IL16: variants seen among roughly 807,000 people sequenced by gnomAD.
IL16 encodes the protein pro-interleukin-16.
Under a neutral mutation model 110.1 loss-of-function variants are expected in IL16, and 67 were observed. The ratio of observed to expected loss-of-function variants is 0.61; its 90% CI spans 0.50 to 0.75. The LOEUF (loss-of-function observed/expected upper bound fraction) is 0.75. IL16 is among the 30% of genes least tolerant of loss of function. The pLI is 0.00. For missense variants in IL16, 1,545 were observed against 1,655.0 expected, an observed-to-expected ratio of 0.93 and a Z score of 1.15; for synonymous variants, 689 against 662.9, an observed-to-expected ratio of 1.04 and a Z score of -0.61.
At chr15:81,293,269 T>A (rs1296200735) in intron 12 of IL16, among the ~76,000 whole-genome samples, 1 of 152,210 alleles carries the variant, frequency 6.6e-6, no homozygotes, top group African/African-American at 2.4e-5. Flanking sequence ...TTCCCACCCA[T>A]AACACACTGG....
At chr15:81,238,184 G>T (rs1595981329) in intron 2 of IL16, among the ~76,000 whole-genome samples, 1 of 152,200 alleles carries the variant, frequency 6.6e-6, no homozygotes, top group East Asian at 1.9e-4. Flanking sequence ...TTACAGGCGT[G>T]AGCCACTGCG....
rs1042218045 is a variant in IL16 at position 81,293,047 on chromosome 15, T to A, written c.1902+10T>A. On this transcript the variant is annotated intron_variant, in intron 12 of 18. Transcript: ENST00000683961. ...ACCCACCTGTGGCCAGGTAAGAGGA[T>A]GGGTCCACAGGTTGAGTGTTTCCAG... 5.6e-6 allele frequency: 9 copies of A among 1,599,246 alleles called. No individual in the cohort carries two copies. In the African/African-American group the frequency reaches 1.1e-4, roughly 19 times the overall value.
chr15:81,294,115 G>C (rs190858308), intron 12 of IL16, among the ~76,000 whole-genome samples: 3 of 152,220 alleles, frequency 2.0e-5, no homozygotes, highest in Non-Finnish European at 4.4e-5. Context: ...CTACAGTGAG[G>C]GTTGGCAAGC....
intron 2 of IL16, among the ~76,000 whole-genome samples, chr15:81,230,596 C>T (rs901660583): frequency 2.0e-5 from 3 of 152,126 alleles, no homozygotes; most frequent in African/African-American, 7.2e-5. Flanking sequence ...GAATGGCATT[C>T]CTTGCTCAGT....
chr15:81,237,076 A>G (rs1202818579), intron 2 of IL16, among the ~76,000 whole-genome samples: 4 of 152,204 alleles, frequency 2.6e-5, no homozygotes, highest in Non-Finnish European at 5.9e-5. Flanking sequence ...TGTCCTTCAC[A>G]TATAACCCAC....
At chr15:81,283,184 G>C (rs1329444092) in intron 9 of IL16, among the ~76,000 whole-genome samples, 5 of 152,202 alleles carry the variant, frequency 3.3e-5, no homozygotes, top group Non-Finnish European at 7.4e-5. Context: ...GCTGTGGCCA[G>C]CACACCCCTG....
chr15:81,201,285 G>C (rs1054918094), intron 1 of IL16, among the ~76,000 whole-genome samples: 1 of 151,586 alleles, frequency 6.6e-6, no homozygotes, highest in Non-Finnish European at 1.5e-5. Context: ...ACACATGCAC[G>C]CACACACCCC....
intron 14 of IL16, 60 bp downstream of exon 14, chr15:81,300,535 A>T: frequency 9.0e-7 from 1 of 1,107,964 alleles, no homozygotes; most frequent in South Asian, 1.6e-5. Flanking sequence ...TCTCATCTTT[A>T]TTTTTAAAAA....
At chr15:81,280,409 C>T (rs1596027033) in intron 8 of IL16, among the ~76,000 whole-genome samples, 1 of 152,242 alleles carries the variant, frequency 6.6e-6, no homozygotes, top group East Asian at 1.9e-4. Context: ...TTGGCAGAGG[C>T]AGAGAGACCC....
At chr15:81,202,614 G>A (rs1021802104) in intron 1 of IL16, among the ~76,000 whole-genome samples, 4 of 151,866 alleles carry the variant, frequency 2.6e-5, no homozygotes, top group Non-Finnish European at 5.9e-5. Flanking sequence ...TGAGAATGAT[G>A]GTTTCCAGTT....
intron 2 of IL16, among the ~76,000 whole-genome samples, chr15:81,246,073 A>C (rs60969413): frequency 6.6e-6 from 1 of 152,092 alleles, no homozygotes; most frequent in South Asian, 2.1e-4. Context: ...TATTTTCTAC[A>C]TAATCATATC....
rs1321119155 is a variant in IL16, at chr15:81,246,379, CTCTT to C, written c.313-13387_313-13384del. On this transcript the variant is annotated intron_variant, in intron 2 of 18. Transcript: ENST00000683961. ...TGGCAACCACTTACTTTTCTATTCT[CTCTT>C]TCTTTTTCTGCCTTTTTCAGATAGC... is the stretch of plus-strand genomic sequence containing the variant. 4.6e-5 allele frequency among the ~76,000 whole-genome samples: 7 copies of C among 152,172 alleles called. 1 individual carries two copies.
chr15:81,279,926 CT>C, intron 8 of IL16, 152 bp downstream of exon 8: 1 of 670,574 alleles, frequency 1.5e-6, no homozygotes. Flanking sequence ...GTCGAGTCTT[CT>C]GTTTATAGAA....
chr15:81,295,270 C>T (rs1266696263), intron 12 of IL16: 1 of 673,904 alleles, frequency 1.5e-6, no homozygotes, highest in East Asian at 9.6e-5. Flanking sequence ...CCTCATCCAC[C>T]AAGCATGGTT....
chr15:81,275,551 G>A (rs1343262006), intron 6 of IL16, among the ~76,000 whole-genome samples: 2 of 151,978 alleles, frequency 1.3e-5, no homozygotes, highest in Non-Finnish European at 2.9e-5. Flanking sequence ...TAAACAAAGG[G>A]GTGGGGGAAG....
At chr15:81,196,434 G>C (rs558887649), upstream of IL16, among the ~76,000 whole-genome samples, 1 of 152,290 alleles carries the variant, frequency 6.6e-6, no homozygotes, top group Admixed American at 6.5e-5. Context: ...TTTGAGAGGA[G>C]TTCTTGCTAT....
At chr15:81,223,469 G>A (rs1351145755) in intron 1 of IL16, among the ~76,000 whole-genome samples, 1 of 152,236 alleles carries the variant, frequency 6.6e-6, no homozygotes, top group Non-Finnish European at 1.5e-5. Flanking sequence ...CAATGAGACG[G>A]TAGAGCCAGG....
chr15:81,197,342 G>A (rs1347573838), intron 1 of IL16, among the ~76,000 whole-genome samples, 190 bp downstream of exon 1: 1 of 152,232 alleles, frequency 6.6e-6, no homozygotes, highest in African/African-American at 2.4e-5. Context: ...GTGTCACCAT[G>A]TCACAGTTAG....
intron 9 of IL16, 49 bp downstream of exon 9, chr15:81,282,805 A>G (rs1337875769): frequency 7.9e-7 from 1 of 1,262,486 alleles, no homozygotes; most frequent in Non-Finnish European, 1.2e-6. Flanking sequence ...TACAACCAGG[A>G]AAGAAATACC....
Sources: gnomAD v4.1 joint callset for allele counts (sites outside exome capture counted in the v4.1 genomes callset) on GRCh38, gnomAD v4.1.1 for gene constraint, MANE v1.5 for transcripts, NCBI Gene and HGNC (gene_info 2026-07-23, HGNC 2026-07-21) for gene names.